Variants in NELL1 observed in about 807,000 individuals in gnomAD.
NELL1 encodes protein kinase C-binding protein NELL1.
NELL1 carries 76 observed loss-of-function variants against 107.4 expected under a neutral mutation model. The observed-to-expected ratio is 0.71, with a 90% CI of 0.59 to 0.86. The LOEUF is 0.86. Among genes scored for constraint, NELL1 ranks in the 40% least tolerant of loss-of-function variants. The pLI is 0.00. For missense variants in NELL1, 1,024 were observed against 1,005.5 expected (o/e 1.02, Z -0.25); for synonymous variants, 353 against 341.2 (o/e 1.03, Z -0.38).
At chr11:20,754,212 A>G (rs1554368) in intron 2 of NELL1, among the ~76,000 whole-genome samples, 119,105 of 152,108 alleles carry the variant, frequency 0.78, 47,069 homozygotes, top group Middle Eastern at 0.9. Context: ...TTCTGGACTA[A>G]GTTATCTATT....
At chr11:21,058,508 G>C (rs1479105230) in intron 12 of NELL1, among the ~76,000 whole-genome samples, 1 of 152,104 alleles carries the variant, frequency 6.6e-6, no homozygotes, top group Non-Finnish European at 1.5e-5. Flanking sequence ...ATGTATTATG[G>C]AAATGGGGTG....
intron 12 of NELL1, among the ~76,000 whole-genome samples, chr11:21,000,578 T>C (rs1303061732): frequency 1.3e-5 from 2 of 152,222 alleles, no homozygotes; most frequent in Non-Finnish European, 2.9e-5. Flanking sequence ...CTCATGATTT[T>C]CCTGAAGTGA....
chr11:20,819,531 G>C (rs906258468), intron 3 of NELL1, among the ~76,000 whole-genome samples: 1 of 152,226 alleles, frequency 6.6e-6, no homozygotes, highest in African/African-American at 2.4e-5. Flanking sequence ...AGGCAGAAAG[G>C]GGGCTGGACA....
At chr11:21,188,858 T>A (rs1190248229) in intron 13 of NELL1, among the ~76,000 whole-genome samples, 1 of 151,852 alleles carries the variant, frequency 6.6e-6, no homozygotes, top group Non-Finnish European at 1.5e-5. Context: ...CTTACAAACA[T>A]ATAGGAAAAT....
At chr11:21,341,715 C>T (rs1590853467) in intron 14 of NELL1, among the ~76,000 whole-genome samples, 1 of 152,182 alleles carries the variant, frequency 6.6e-6, no homozygotes, top group Admixed American at 6.5e-5. Flanking sequence ...AAATGAGGAA[C>T]CAAGTCTTAA....
intron 14 of NELL1, among the ~76,000 whole-genome samples, chr11:21,355,071 G>A (rs935925570): frequency 6.6e-6 from 1 of 152,156 alleles, no homozygotes; most frequent in South Asian, 2.1e-4. Flanking sequence ...ATAATTTGAT[G>A]TTGCTTTAGT....
chr11:21,012,176 G>A (rs111973164), intron 12 of NELL1, among the ~76,000 whole-genome samples: 1 of 152,132 alleles, frequency 6.6e-6, no homozygotes, highest in African/African-American at 2.4e-5. Flanking sequence ...ACTACAGTAA[G>A]GAGAGTGCTC....
At chr11:21,449,479 G>A (rs1853524576) in intron 15 of NELL1, among the ~76,000 whole-genome samples, 1 of 151,602 alleles carries the variant, frequency 6.6e-6, no homozygotes, top group African/African-American at 2.4e-5. Flanking sequence ...TTTGACATAT[G>A]AAAATATCTG....
chr11:21,454,407 A>AT (rs1164502289), intron 15 of NELL1, among the ~76,000 whole-genome samples: 2 of 152,142 alleles, frequency 1.3e-5, no homozygotes, highest in African/African-American at 4.8e-5. Context: ...ATGTGGCTTT[A>AT]TAGCAGCATG....
At chr11:21,347,658 T>C (rs778358849) in intron 14 of NELL1, among the ~76,000 whole-genome samples, 7 of 152,130 alleles carry the variant, frequency 4.6e-5, no homozygotes, top group Non-Finnish European at 8.8e-5. Flanking sequence ...ACTAGAGGTG[T>C]CATTTTTCTT....
intron 14 of NELL1, among the ~76,000 whole-genome samples, chr11:21,265,830 T>C (rs1001258735): frequency 6.6e-6 from 1 of 152,056 alleles, no homozygotes; most frequent in Admixed American, 6.6e-5. Context: ...AGAAATTCTT[T>C]AATGTCTGTG....
chr11:21,265,746 GTCTC>G (rs762043734), intron 14 of NELL1, among the ~76,000 whole-genome samples: 1 of 151,856 alleles, frequency 6.6e-6, no homozygotes, highest in Non-Finnish European at 1.5e-5. Context: ...AAACTTTACT[GTCTC>G]TCTCTCTTTT....
At chr11:21,334,225 G>A (rs1164841083) in intron 14 of NELL1, among the ~76,000 whole-genome samples, 2 of 151,994 alleles carry the variant, frequency 1.3e-5, no homozygotes. Flanking sequence ...AAGGAGAAGT[G>A]CAGATATTAT....
intron 12 of NELL1, among the ~76,000 whole-genome samples, chr11:21,103,115 A>T (rs1854862290): frequency 6.6e-6 from 1 of 152,118 alleles, no homozygotes; most frequent in African/African-American, 2.4e-5. Flanking sequence ...TTTTTAATGA[A>T]CCGAGGTTGT....
chr11:20,939,238 T>C (rs1850795931), intron 10 of NELL1, among the ~76,000 whole-genome samples: 1 of 151,500 alleles, frequency 6.6e-6, no homozygotes, highest in Non-Finnish European at 1.5e-5. Context: ...CCTGGTAGAG[T>C]TGCAGGGAAT....
intron 3 of NELL1, among the ~76,000 whole-genome samples, chr11:20,817,699 C>T (rs745914969): frequency 4.0e-5 from 6 of 150,796 alleles, no homozygotes; most frequent in Non-Finnish European, 8.9e-5. Flanking sequence ...AGTTTGTTGT[C>T]GCTTTTCTAT....
chr11:20,925,095 A>G (rs957889477), intron 7 of NELL1, among the ~76,000 whole-genome samples: 1 of 152,308 alleles, frequency 6.6e-6, no homozygotes, highest in African/African-American at 2.4e-5. Flanking sequence ...ACTATTTTAT[A>G]TAAAGGACTT....
intron 12 of NELL1, among the ~76,000 whole-genome samples, chr11:20,993,926 G>C (rs1281612830): frequency 6.6e-6 from 1 of 150,638 alleles, no homozygotes; most frequent in Non-Finnish European, 1.5e-5. Flanking sequence ...TACGAATCAG[G>C]CATTACCATT....
chr11:20,680,449 G>C (rs1052096718), intron 2 of NELL1, among the ~76,000 whole-genome samples: 1 of 152,094 alleles, frequency 6.6e-6, no homozygotes, highest in Admixed American at 6.6e-5. Flanking sequence ...ATATGGGTGA[G>C]ACAGTGGGTA....
Sources: allele counts gnomAD v4.1 joint callset (sites outside exome capture counted in the v4.1 genomes callset), GRCh38; gene constraint gnomAD v4.1.1; transcripts MANE v1.5; gene names NCBI Gene and HGNC (gene_info 2026-07-23, HGNC 2026-07-21).